The following CADPS2 variants were observed in gnomAD, a reference collection of about 807,000 sequenced individuals.
CADPS2 encodes the protein calcium dependent secretion activator 2.
Under a neutral mutation model 172.5 loss-of-function variants are expected in CADPS2, and 93 were observed. That is an observed-to-expected ratio of 0.54 (90% CI 0.46 to 0.64). The LOEUF (loss-of-function observed/expected upper bound fraction) is 0.64. CADPS2 is among the 30% of genes least tolerant of loss of function. The probability of loss-of-function intolerance (pLI) is 0.00; values close to 1 mark genes in which losing one functional copy is unlikely to be tolerated. For synonymous variants in CADPS2, 546 were observed against 555.2 expected (o/e 0.98, Z 0.23); for missense variants, 1,420 against 1,565.9 (o/e 0.91, Z 1.57).
chr7:122,625,088 T>C (rs1035376150), intron 4 of CADPS2, among the ~76,000 whole-genome samples: 1 of 152,082 alleles, frequency 6.6e-6, no homozygotes, highest in Non-Finnish European at 1.5e-5. Context: ...TTCGCTCTTG[T>C]TGCCCAAGCT....
At chr7:122,536,540 A>C (rs1352166955) in intron 8 of CADPS2, among the ~76,000 whole-genome samples, 2 of 152,114 alleles carry the variant, frequency 1.3e-5, no homozygotes, top group Non-Finnish European at 2.9e-5. Flanking sequence ...TTGCATTTCT[A>C]AACTAGAAGC....
At chr7:122,698,064 G>T (rs1426659456) in intron 2 of CADPS2, 1 of 1,613,880 alleles carries the variant, frequency 6.2e-7, no homozygotes, top group Non-Finnish European at 8.5e-7. Context: ...GTAAAATCCA[G>T]GGGTCAATGC....
chr7:122,848,313 G>A (rs1812592489), intron 1 of CADPS2, among the ~76,000 whole-genome samples: 2 of 152,158 alleles, frequency 1.3e-5, no homozygotes, highest in African/African-American at 2.4e-5. Flanking sequence ...GAACAATGGG[G>A]AAAGGAGAAA....
chr7:122,411,675 T>C (rs1401984493), intron 19 of CADPS2, among the ~76,000 whole-genome samples: 1 of 152,210 alleles, frequency 6.6e-6, no homozygotes, highest in Non-Finnish European at 1.5e-5. Context: ...ATTCTGTACT[T>C]TGTTGATAAT....
chr7:122,339,250 G>A (rs1251177106), intron 28 of CADPS2, among the ~76,000 whole-genome samples: 1 of 152,172 alleles, frequency 6.6e-6, no homozygotes, highest in African/African-American at 2.4e-5. Flanking sequence ...GAAGTGTATT[G>A]TGAAAGTTCT....
intron 28 of CADPS2, among the ~76,000 whole-genome samples, chr7:122,326,006 A>G (rs973825208): frequency 2.6e-5 from 4 of 152,052 alleles, no homozygotes; most frequent in African/African-American, 9.7e-5. Flanking sequence ...CATAAAAATC[A>G]AAAAGAAGAT....
At chr7:122,440,930 T>C (rs1424877598) in intron 16 of CADPS2, among the ~76,000 whole-genome samples, 1 of 152,178 alleles carries the variant, frequency 6.6e-6, no homozygotes, top group East Asian at 1.9e-4. Flanking sequence ...ATAGAGAATA[T>C]ATTTTCCTTA....
At chr7:122,324,465 C>G in intron 29 of CADPS2, among the ~76,000 whole-genome samples, 1 of 152,096 alleles carries the variant, frequency 6.6e-6, no homozygotes, top group East Asian at 1.9e-4. Context: ...ACTTGTTAAT[C>G]TATAGATTAC....
At chr7:122,740,955 T>C (rs1192094170) in intron 1 of CADPS2, among the ~76,000 whole-genome samples, 1 of 152,138 alleles carries the variant, frequency 6.6e-6, no homozygotes, top group African/African-American at 2.4e-5. Flanking sequence ...AAGGTACATA[T>C]CCTTGGAATC....
intron 2 of CADPS2, among the ~76,000 whole-genome samples, chr7:122,666,324 GC>G (rs2081185517): frequency 6.7e-6 from 1 of 148,812 alleles, no homozygotes; most frequent in African/African-American, 2.5e-5. Flanking sequence ...CCTTTCCATT[GC>G]CCTACCTGTG....
intron 16 of CADPS2, chr7:122,440,142 T>C (rs1242079047): frequency 6.6e-6 from 1 of 152,168 alleles, no homozygotes; most frequent in African/African-American, 2.4e-5. Flanking sequence ...ACCCTTAACA[T>C]TTCTGTCTCA....
intron 1 of CADPS2, among the ~76,000 whole-genome samples, chr7:122,774,517 G>C (rs904920063): frequency 2.0e-5 from 3 of 151,960 alleles, no homozygotes; most frequent in Admixed American, 2.0e-4. Flanking sequence ...TTTATTTTGG[G>C]ATCAGTTTGT....
chr7:122,478,730 C>T (rs1233745612), intron 12 of CADPS2, among the ~76,000 whole-genome samples: 1 of 151,990 alleles, frequency 6.6e-6, no homozygotes, highest in South Asian at 2.1e-4. Flanking sequence ...CAGTGAGGGG[C>T]TTTTTGGTAG....
intron 9 of CADPS2, among the ~76,000 whole-genome samples, chr7:122,503,868 T>C (rs760553418): frequency 1.1e-4 from 16 of 152,084 alleles, no homozygotes; most frequent in Non-Finnish European, 2.1e-4. Flanking sequence ...TGAATTGCAA[T>C]TAGGAGGTAC....
intron 5 of CADPS2, among the ~76,000 whole-genome samples, chr7:122,619,999 G>T (rs557279203): frequency 6.6e-5 from 10 of 152,296 alleles, no homozygotes; most frequent in African/African-American, 2.4e-4. Context: ...TCAAGAAAGT[G>T]AGAGGCAGAT....
At chr7:122,730,474 C>A (rs1432405799) in intron 2 of CADPS2, among the ~76,000 whole-genome samples, 2 of 151,640 alleles carry the variant, frequency 1.3e-5, no homozygotes, top group Non-Finnish European at 3.0e-5. Flanking sequence ...TGACTATGAA[C>A]AATTATTTCA....
chr7:122,869,420 A>G (rs539601084), intron 1 of CADPS2, among the ~76,000 whole-genome samples: 1 of 152,236 alleles, frequency 6.6e-6, no homozygotes, highest in Non-Finnish European at 1.5e-5. Context: ...AGTAAATGGG[A>G]TAATATATTC....
At chr7:122,660,636 C>A (rs529006169) in intron 3 of CADPS2, among the ~76,000 whole-genome samples, 95 of 151,380 alleles carry the variant, frequency 6.3e-4, no homozygotes, top group African/African-American at 1.5e-3. Flanking sequence ...TTGGGCCAAG[C>A]GCTGTGGCTC....
intron 12 of CADPS2, among the ~76,000 whole-genome samples, chr7:122,479,940 C>G (rs1451370843): frequency 6.6e-6 from 1 of 152,096 alleles, no homozygotes; most frequent in Non-Finnish European, 1.5e-5. Flanking sequence ...AAGACAAATG[C>G]TACTATTCAT....
Sources: gnomAD v4.1 joint callset for allele counts (sites outside exome capture counted in the v4.1 genomes callset) on GRCh38, gnomAD v4.1.1 for gene constraint, MANE v1.5 for transcripts, NCBI Gene and HGNC (gene_info 2026-07-23, HGNC 2026-07-21) for gene names.